RBFOX1: variants seen among roughly 807,000 people sequenced by gnomAD.
The protein encoded by RBFOX1 is RNA binding fox-1 homolog 1.
Under a neutral mutation model 57.7 loss-of-function variants are expected in RBFOX1, and 8 were observed. The observed-to-expected ratio is 0.14, with a 90% CI of 0.08 to 0.25. The LOEUF is 0.25. Ranked by LOEUF, RBFOX1 falls within the 10% of genes least tolerant of loss-of-function variation. RBFOX1 has a pLI of 1.00. For synonymous variants in RBFOX1, 326 were observed against 222.4 expected (o/e 1.47, Z -4.15); for missense variants, 611 against 548.5 (o/e 1.11, Z -1.14).
chr16:7,193,732 C>G (rs1367535629), intron 4 of RBFOX1, among the ~76,000 whole-genome samples: 1 of 152,204 alleles, frequency 6.6e-6, no homozygotes, highest in Admixed American at 6.5e-5. Context: ...AGAGCCCATG[C>G]TCTGCACCAG....
chr16:5,984,676 A>T (rs2060245768), intron 4 of RBFOX1, among the ~76,000 whole-genome samples: 1 of 152,118 alleles, frequency 6.6e-6, no homozygotes, highest in African/African-American at 2.4e-5. Context: ...ACACATTCTG[A>T]GAAGTGCATC....
intron 2 of RBFOX1, among the ~76,000 whole-genome samples, chr16:6,610,011 A>G (rs1251205510): frequency 1.5e-5 from 2 of 136,608 alleles, no homozygotes; most frequent in African/African-American, 5.7e-5. Flanking sequence ...CTGACACAAA[A>G]CAAAACAAAA....
At chr16:6,932,619 G>A (rs2076745515) in intron 3 of RBFOX1, among the ~76,000 whole-genome samples, 1 of 152,156 alleles carries the variant, frequency 6.6e-6, no homozygotes, top group African/African-American at 2.4e-5. Context: ...TCCACAGGCT[G>A]CCCAAACATC....
At chr16:6,643,249 A>C (rs1327706354) in intron 2 of RBFOX1, among the ~76,000 whole-genome samples, 1 of 152,132 alleles carries the variant, frequency 6.6e-6, no homozygotes, top group Non-Finnish European at 1.5e-5. Flanking sequence ...TGCTTTCGGT[A>C]TTTTTTGCAA....
intron 3 of RBFOX1, among the ~76,000 whole-genome samples, chr16:5,675,688 G>T (rs1381452032): frequency 6.6e-6 from 1 of 152,198 alleles, no homozygotes; most frequent in Non-Finnish European, 1.5e-5. Flanking sequence ...GATTTGCAAG[G>T]CTGTGCTGGA....
intron 4 of RBFOX1, among the ~76,000 whole-genome samples, chr16:5,883,737 T>A (rs914204575): frequency 3.4e-4 from 51 of 152,230 alleles, no homozygotes; most frequent in Admixed American, 5.2e-4. Context: ...GTGATTTTTT[T>A]AAAAAAAATC....
chr16:6,144,122 C>G (rs2096740153), intron 1 of RBFOX1, among the ~76,000 whole-genome samples: 1 of 152,044 alleles, frequency 6.6e-6, no homozygotes, highest in Non-Finnish European at 1.5e-5. Flanking sequence ...TTGGTTTGTA[C>G]TAGTTCTGAA....
At chr16:5,272,262 A>T (rs546833429) in intron 1 of RBFOX1, among the ~76,000 whole-genome samples, 2 of 152,254 alleles carry the variant, frequency 1.3e-5, no homozygotes, top group East Asian at 3.8e-4. Flanking sequence ...GGGGATGGAC[A>T]TGTTAATTAG....
chr16:6,961,145 C>CA lies in RBFOX1; in HGVS notation c.-15-90912_-15-90911insA, dbSNP rs142889433. ...GCAATAGAGACTCCATCACACACAC[C>CA]CACACAGACACACACACGCAAAAGA... On this transcript the variant is annotated intron_variant, in intron 3 of 15. Transcript: ENST00000550418. Among the ~76,000 whole-genome samples, 45 of 143,772 alleles carry CA rather than the reference C, an allele frequency of 3.1e-4. 1 individual carries two copies. In the East Asian group the frequency reaches 4.9e-3, roughly 16 times the overall value. 94.3% of individuals were successfully genotyped at this position (143,772 alleles called of 152,430 possible).
chr16:5,912,967 G>A (rs978606324), intron 4 of RBFOX1, among the ~76,000 whole-genome samples: 4 of 152,188 alleles, frequency 2.6e-5, no homozygotes, highest in African/African-American at 9.7e-5. Flanking sequence ...GCTTCCTAAT[G>A]TACTTAAGTG....
intron 2 of RBFOX1, among the ~76,000 whole-genome samples, chr16:6,528,680 T>A (rs1299388389): frequency 6.6e-6 from 1 of 152,144 alleles, no homozygotes; most frequent in Non-Finnish European, 1.5e-5. Flanking sequence ...AGGCTTTGAG[T>A]AGGGCAGAGT....
intron 1 of RBFOX1, among the ~76,000 whole-genome samples, chr16:6,077,014 C>T (rs2095912666): frequency 6.6e-6 from 1 of 152,130 alleles, no homozygotes; most frequent in African/African-American, 2.4e-5. Context: ...ATCTAGCCTG[C>T]TTGAGAGTGC....
chr16:7,693,209 A>T (rs2077760507), intron 14 of RBFOX1: 4 of 866,056 alleles, frequency 4.6e-6, no homozygotes, highest in Non-Finnish European at 7.7e-6. Flanking sequence ...ACATCCATTC[A>T]CACGCAGCAC....
rs5815293 is a variant in RBFOX1, at chr16:6,220,731, C to CCCA, written c.-126-96264_-126-96263insCCA. 3.8e-3 allele frequency among the ~76,000 whole-genome samples: 573 copies of CCCA among 151,396 alleles called. 5 individuals carry two copies. The highest frequency in any genetic ancestry group is 0.016 in the East Asian group (81 of 5,106). ...AATGCTATGACTAACCGCCCCCCCCCAGTGGAAAATAATGAAGAAAACAAA... is the reference window on the plus strand; with the variant it reads ...AATGCTATGACTAACCGCCCCCCCCCCCAAGTGGAAAATAATGAAGAAAACAAA... On this transcript the variant is annotated intron_variant, in intron 1 of 15. Coordinates refer to ENST00000550418, the MANE Select transcript of RBFOX1 (RefSeq NM_018723.4).
chr16:6,057,564 C>G (rs2095629496), intron 1 of RBFOX1, among the ~76,000 whole-genome samples: 1 of 150,162 alleles, frequency 6.7e-6, no homozygotes, highest in African/African-American at 2.5e-5. Context: ...GGGGACAGAC[C>G]AAAAGGGAAA....
At chr16:7,659,643 G>C (rs570884234) in intron 12 of RBFOX1, among the ~76,000 whole-genome samples, 1 of 152,340 alleles carries the variant, frequency 6.6e-6, no homozygotes, top group African/African-American at 2.4e-5. Flanking sequence ...TAATGGATTT[G>C]TGTTGGGGCT....
At chr16:7,307,324 C>A (rs868176883) in intron 4 of RBFOX1, among the ~76,000 whole-genome samples, 16 of 152,204 alleles carry the variant, frequency 1.1e-4, no homozygotes, top group African/African-American at 3.9e-4. Context: ...GAACATCCAA[C>A]CTTTCCTCCT....
At chr16:6,953,838 T>C (rs1046464125) in intron 3 of RBFOX1, among the ~76,000 whole-genome samples, 3 of 152,244 alleles carry the variant, frequency 2.0e-5, no homozygotes, top group Non-Finnish European at 4.4e-5. Context: ...AACTCTTGGA[T>C]ACCTGACTTG....
intron 1 of RBFOX1, among the ~76,000 whole-genome samples, chr16:6,020,856 C>T (rs4485373): frequency 1.3e-5 from 2 of 152,180 alleles, no homozygotes; most frequent in South Asian, 2.1e-4. Context: ...CCAGGTGTCA[C>T]GCGGAGCCCG....
Sources: allele counts gnomAD v4.1 joint callset (sites outside exome capture counted in the v4.1 genomes callset), GRCh38; gene constraint gnomAD v4.1.1; transcripts MANE v1.5; gene names NCBI Gene and HGNC (gene_info 2026-07-23, HGNC 2026-07-21).